Variants in USP24 observed in about 807,000 individuals in gnomAD.
USP24 encodes the protein ubiquitin carboxyl-terminal hydrolase 24.
Under a neutral mutation model 361.6 loss-of-function variants are expected in USP24, and 97 were observed. The observed-to-expected ratio is 0.27, with a 90% CI of 0.23 to 0.32. The LOEUF (loss-of-function observed/expected upper bound fraction) is 0.32, where lower values mean the gene tolerates loss of function less well. Among genes scored for constraint, USP24 ranks in the 10% least tolerant of loss-of-function variants. USP24 has a pLI of 1.00. For synonymous variants in USP24, 1,098 were observed against 1,124.6 expected, an observed-to-expected ratio of 0.98 and a Z score of 0.47; for missense variants, 2,353 against 3,165.6, an observed-to-expected ratio of 0.74 and a Z score of 6.16.
Position 55,078,575 on chromosome 1 carries a change from T to C in USP24, c.7277A>G (p.Asn2426Ser), listed in dbSNP as rs1183677154. The C allele has an allele frequency of 6.2e-7, 1 of 1,612,122 alleles. No individual in the cohort carries two copies. The highest frequency in any genetic ancestry group is 1.1e-5 in the South Asian group (1 of 90,766). ...IEMVVYCCFC[N>S]EHFSFTMLHF... ...CAGCATTGTGAAGGAAAAATGCTCA[T>C]TACAGAAACAGCAGTACACTACCAT... Residue 2426 changes from asparagine to serine, a missense_variant, in exon 61 of 68, where the codon AAT (asparagine) becomes AGT (serine). Coordinates refer to ENST00000294383, the MANE Select transcript of USP24 (RefSeq NM_015306.3).
chr1:55,146,564 T>C (rs1647034172), intron 19 of USP24, among the ~76,000 whole-genome samples: 1 of 152,190 alleles, frequency 6.6e-6, no homozygotes, highest in Non-Finnish European at 1.5e-5. Flanking sequence ...TGTGGCCAGG[T>C]ACTAATTCTT....
At chr1:55,174,256 G>C (rs1649733486) in intron 3 of USP24, among the ~76,000 whole-genome samples, 1 of 152,034 alleles carries the variant, frequency 6.6e-6, no homozygotes, top group Non-Finnish European at 1.5e-5. Context: ...ATTGGGGAGA[G>C]GGATGGTCAT....
intron 1 of USP24, among the ~76,000 whole-genome samples, chr1:55,182,407 C>G (rs1217329638): frequency 6.6e-6 from 1 of 152,136 alleles, no homozygotes; most frequent in South Asian, 2.1e-4. Flanking sequence ...AAATAAGTTT[C>G]TGTAGTTTAA....
intron 8 of USP24, among the ~76,000 whole-genome samples, chr1:55,160,193 A>G (rs1448845724): frequency 6.6e-6 from 1 of 152,252 alleles, no homozygotes; most frequent in African/African-American, 2.4e-5. Flanking sequence ...AGTATTAGCT[A>G]TTAATACATC....
rs1198955809 is a variant in USP24, at chr1:55,153,569, CTG to C, written c.1860+299_1860+300del. ...TTGGAGTCCACTGTACTTATTAAAA[CTG>C]TGCATACTTTAGATTTAATTTTAAA... On this transcript the variant is annotated intron_variant, in intron 16 of 67. Transcript: ENST00000294383. 2.6e-5 allele frequency among the ~76,000 whole-genome samples: 4 copies of C among 152,220 alleles called. No homozygotes were observed. The South Asian group carries it at 8.3e-4, about 32-fold the overall frequency.
intron 60 of USP24, among the ~76,000 whole-genome samples, chr1:55,078,949 A>C (rs1445883087): frequency 7.9e-6 from 1 of 126,190 alleles, no homozygotes; most frequent in African/African-American, 3.8e-5. Flanking sequence ...TATTAAGCAA[A>C]AAAAAAAAAA....
chr1:55,146,004 T>C lies in USP24; in HGVS notation c.2356A>G (p.Met786Val), dbSNP rs747190075. Residue 786 changes from methionine (M) to valine (V), a missense_variant, in exon 20 of 68, where the codon ATG becomes GTG. Transcript: ENST00000294383. ...ILKLESYEIT[M>V]NGFNLFKTFF... is the part of the protein sequence containing the mutation. ...ATTTTAAGTTTTTTCCTACCATTCA[T>C]AGTGATTTCATATGACTCCAATTTA... The C allele has an allele frequency of 1.9e-6, 3 of 1,607,392 alleles. No individual in the cohort carries two copies. Among genetic ancestry groups the C allele is most frequent in the South Asian group, 1.1e-5 (1 of 90,822 alleles).
intron 8 of USP24, among the ~76,000 whole-genome samples, chr1:55,161,452 T>C (rs1648275186): frequency 6.6e-6 from 1 of 151,992 alleles, no homozygotes; most frequent in South Asian, 2.1e-4. Context: ...CTATCTCCCT[T>C]ATTAAAATGG....
rs1431285197 is a variant in USP24 at position 55,096,025 on chromosome 1, T to C, written c.6061+473A>G. On this transcript the variant is annotated intron_variant, in intron 50 of 67. Coordinates refer to ENST00000294383, the MANE Select transcript of USP24 (RefSeq NM_015306.3). Reference sequence around the variant, plus strand: ...GGCTGTACTTCTCCTCATACTCTTTTTTCCTGGGAGTGGGGATTGTAGAGG... The same window carrying C: ...GGCTGTACTTCTCCTCATACTCTTTCTTCCTGGGAGTGGGGATTGTAGAGG... 2.6e-5 allele frequency among the ~76,000 whole-genome samples: 4 copies of C among 152,342 alleles called. No individual in the cohort carries two copies. The East Asian group carries it at 7.7e-4, about 29-fold the overall frequency.
chr1:55,072,549 G>C (rs1389452638), intron 65 of USP24, 146 bp from the exon 66 acceptor site: 1 of 774,328 alleles, frequency 1.3e-6, no homozygotes, highest in Non-Finnish European at 2.0e-6. Flanking sequence ...AGCGATTCAA[G>C]ACCTCAGTCA....
chr1:55,129,969 C>T (rs1294641097), intron 31 of USP24, among the ~76,000 whole-genome samples: 4 of 152,196 alleles, frequency 2.6e-5, no homozygotes, highest in Non-Finnish European at 5.9e-5. Flanking sequence ...AACAATAACT[C>T]TAACTCCTAT....
In USP24 at chr1:55,130,624, T is replaced by C. The variant is rs372720331; in HGVS notation, c.3538-1050A>G. 5.2e-4 allele frequency among the ~76,000 whole-genome samples: 79 copies of C among 152,290 alleles called. No individual in the cohort carries two copies. The East Asian group carries it at 9.8e-3, about 19-fold the overall frequency. Reference sequence around the variant, plus strand: ...CTCTGGAGAAACAGGTCCACCAACCTGGGATAATGAGCATTACATGGGAGA... The same window carrying C: ...CTCTGGAGAAACAGGTCCACCAACCCGGGATAATGAGCATTACATGGGAGA... On this transcript the variant is annotated intron_variant, in intron 31 of 67. Coordinates refer to ENST00000294383, the MANE Select transcript of USP24 (RefSeq NM_015306.3).
At chr1:55,137,151 G>C (rs145338810) in intron 28 of USP24, among the ~76,000 whole-genome samples, 2 of 152,288 alleles carry the variant, frequency 1.3e-5, no homozygotes, top group African/African-American at 4.8e-5. Flanking sequence ...TTCCAAGGGG[G>C]AAGCGATCAC....
intron 1 of USP24, 148 bp downstream of exon 1, chr1:55,214,641 TG>T: frequency 2.9e-6 from 2 of 697,764 alleles, no homozygotes; most frequent in Non-Finnish European, 3.8e-6. Flanking sequence ...AACTGGAGCC[TG>T]GGGCTTCTCT....
chr1:55,081,397 G>A lies in USP24; in HGVS notation c.7003C>T (p.Arg2335Ter). 6.2e-7 allele frequency: 1 copy of A among 1,613,646 alleles called. No homozygotes were observed. The highest frequency in any genetic ancestry group is 8.5e-7 in the Non-Finnish European group (1 of 1,179,676). ...GTATTGTGAAGATTCCCAAATTCTC[G>A]TGCTTGTGCTGAACTCCATCGACGT... The part of the protein sequence containing the change: ...QIRRWSSAQA[R>*]EFGNLHNTVA... Residue 2335 changes from arginine to a stop codon, truncating the protein, a stop_gained, in exon 59 of 68, where the codon CGA becomes TGA. Transcript: ENST00000294383. LOFTEE classifies it high-confidence loss of function.
At position 55,068,691 on chromosome 1, in the gene USP24, T is replaced by C. The variant is rs1644861106; in HGVS notation, c.*354A>G. 1 of 235,170 alleles carries C rather than the reference T, an allele frequency of 4.3e-6. No homozygotes were observed. Among genetic ancestry groups the C allele is most frequent in the Admixed American group, 5.6e-5 (1 of 17,932 alleles). 14.6% of individuals were successfully genotyped at this position (235,170 alleles called of 1,614,324 possible). On this transcript the variant is annotated 3_prime_UTR_variant, in exon 68 of 68. Coordinates refer to ENST00000294383, the MANE Select transcript of USP24 (RefSeq NM_015306.3). The stretch of plus-strand genomic sequence containing the variant: ...AATATAAAAACCAAAGGAATTTCTT[T>C]TGTAGCATCGTAGAGAAAGCAACAG...
In USP24 at chr1:55,089,769, T is replaced by C. The variant is rs746660413; in HGVS notation, c.6555-29A>G. 6.6e-6 allele frequency: 10 copies of C among 1,517,384 alleles called. No homozygotes were observed. The African/African-American group carries it at 1.2e-4, about 19-fold the overall frequency. 94.0% of individuals were successfully genotyped at this position (1,517,384 alleles called of 1,614,324 possible). A position where few individuals can be genotyped will look rare whatever the true frequency, so the allele number is the denominator to read the frequency against. ...TAAAAAAAAGCAGATACAGCAATGTTAGGAGCATAAGCCCAGCCAATGACC... is the reference window on the plus strand; with the variant it reads ...TAAAAAAAAGCAGATACAGCAATGTCAGGAGCATAAGCCCAGCCAATGACC... On this transcript the variant is annotated intron_variant, in intron 54 of 67. Transcript: ENST00000294383.
chr1:55,162,283 G>C lies in USP24; in HGVS notation c.928-19C>G. The C allele has an allele frequency of 6.5e-7, 1 of 1,530,182 alleles. No homozygotes were observed. Among genetic ancestry groups the C allele is most frequent in the Non-Finnish European group, 8.8e-7 (1 of 1,142,826 alleles). The allele number at this position is 1,530,182 out of a possible 1,614,324, so 94.8% of individuals were successfully genotyped here. A position where few individuals can be genotyped will look rare whatever the true frequency, so the allele number is the denominator to read the frequency against. On this transcript the variant is annotated intron_variant, in intron 7 of 67. Coordinates refer to ENST00000294383, the MANE Select transcript of USP24 (RefSeq NM_015306.3). ...AGACAGCCTGGAAAAAGACAGTGAA[G>C]ATTAAAAATACATTTGAGAGGATTT... is the stretch of plus-strand genomic sequence containing the variant.
Position 55,158,844 on chromosome 1 carries a change from C to T in USP24, c.1227+34G>A, listed in dbSNP as rs1265844805. 8 of 1,422,198 alleles carry T rather than the reference C, an allele frequency of 5.6e-6. No homozygotes were observed. The East Asian group carries it at 1.5e-4, about 27-fold the overall frequency. The allele number at this position is 1,422,198 out of a possible 1,614,324, so 88.1% of individuals were successfully genotyped here. A position where few individuals can be genotyped will look rare whatever the true frequency, so the allele number is the denominator to read the frequency against. On this transcript the variant is annotated intron_variant, in intron 10 of 67. Coordinates refer to ENST00000294383, the MANE Select transcript of USP24 (RefSeq NM_015306.3). ...ATCTTGGCAGAACTTAGTATCTGTG[C>T]ATTAAGTCTTGTAGAAACAAATGAA... is the stretch of plus-strand genomic sequence containing the variant.
Sources: allele counts gnomAD v4.1 joint callset (sites outside exome capture counted in the v4.1 genomes callset), GRCh38; gene constraint gnomAD v4.1.1; transcripts MANE v1.5; gene names NCBI Gene and HGNC (gene_info 2026-07-23, HGNC 2026-07-21).